SOX6: variants seen among roughly 807,000 people sequenced by gnomAD.
SOX6 encodes transcription factor SOX-6.
Under a neutral mutation model 97.8 loss-of-function variants are expected in SOX6, and 11 were observed. The observed-to-expected ratio is 0.11, with a 90% CI of 0.07 to 0.19. The LOEUF is 0.19. Among genes scored for constraint, SOX6 ranks in the 10% least tolerant of loss-of-function variants. SOX6 has a pLI of 1.00. For missense variants in SOX6, 810 were observed against 1,039.5 expected (o/e 0.78, Z 3.04); for synonymous variants, 360 against 371.4 (o/e 0.97, Z 0.35).
At chr11:16,562,218 A>G (rs999712514) in intron 4 of SOX6, among the ~76,000 whole-genome samples, 2 of 152,118 alleles carry the variant, frequency 1.3e-5, no homozygotes, top group Admixed American at 6.5e-5. Context: ...ACAACTAAAA[A>G]CCCTGGACAC....
intron 6 of SOX6, among the ~76,000 whole-genome samples, chr11:16,118,672 C>T (rs1849413249): frequency 1.3e-5 from 2 of 152,212 alleles, no homozygotes; most frequent in Admixed American, 1.3e-4. Flanking sequence ...AGTCAGAGAG[C>T]AACTTGGCAG....
intron 4 of SOX6, among the ~76,000 whole-genome samples, chr11:16,503,158 GC>G (rs1248434971): frequency 6.6e-6 from 1 of 151,624 alleles, no homozygotes; most frequent in African/African-American, 2.4e-5. Context: ...TTCTAGATAA[GC>G]AAAAACTGAG....
At chr11:16,550,751 A>G (rs1847674729) in intron 4 of SOX6, among the ~76,000 whole-genome samples, 1 of 152,208 alleles carries the variant, frequency 6.6e-6, no homozygotes, top group African/African-American at 2.4e-5. Flanking sequence ...TTCTTACTCT[A>G]TACATTAAGT....
chr11:16,076,203 A>G (rs1420530017), intron 9 of SOX6, among the ~76,000 whole-genome samples: 1 of 152,216 alleles, frequency 6.6e-6, no homozygotes, highest in Non-Finnish European at 1.5e-5. Flanking sequence ...AGTTCCTGGC[A>G]AAGATTTAAT....
intron 3 of SOX6, among the ~76,000 whole-genome samples, chr11:16,235,396 C>T (rs1403381837): frequency 6.6e-6 from 1 of 152,024 alleles, no homozygotes; most frequent in Non-Finnish European, 1.5e-5. Context: ...GAAATCCAAA[C>T]TTTAGAATGT....
intron 6 of SOX6, among the ~76,000 whole-genome samples, chr11:16,166,811 G>GA (rs1436751011): frequency 1.3e-5 from 2 of 152,072 alleles, no homozygotes; most frequent in Non-Finnish European, 2.9e-5. Flanking sequence ...ATTCCAAGTA[G>GA]AAAAAACATT....
chr11:16,590,040 T>C (rs936747357), intron 4 of SOX6, among the ~76,000 whole-genome samples: 5 of 152,170 alleles, frequency 3.3e-5, no homozygotes, highest in Non-Finnish European at 7.4e-5. Flanking sequence ...CGTAAATACA[T>C]TCCCTTAACT....
At chr11:16,541,084 A>T (rs1235486804) in intron 4 of SOX6, among the ~76,000 whole-genome samples, 2 of 152,228 alleles carry the variant, frequency 1.3e-5, no homozygotes, top group African/African-American at 4.8e-5. Context: ...CTACAAGGCT[A>T]CAGTAACCAA....
chr11:16,496,386 C>T (rs543683056), intron 4 of SOX6, among the ~76,000 whole-genome samples: 5 of 151,396 alleles, frequency 3.3e-5, no homozygotes, highest in South Asian at 2.1e-4. Flanking sequence ...CAGCTCCCAG[C>T]GTGAGAAACG....
chr11:16,686,644 T>C (rs1006528525), intron 3 of SOX6, among the ~76,000 whole-genome samples: 1 of 152,166 alleles, frequency 6.6e-6, no homozygotes, highest in Admixed American at 6.5e-5. Context: ...CTCTAAGAAG[T>C]TATAAACTTT....
intron 9 of SOX6, among the ~76,000 whole-genome samples, chr11:16,093,182 T>C (rs577027673): frequency 6.6e-6 from 1 of 152,090 alleles, no homozygotes; most frequent in South Asian, 2.1e-4. Flanking sequence ...CAGGGTTTAA[T>C]AAATTATCAA....
At chr11:16,515,087 G>T (rs1479171895) in intron 4 of SOX6, among the ~76,000 whole-genome samples, 1 of 149,876 alleles carries the variant, frequency 6.7e-6, no homozygotes, top group East Asian at 2.0e-4. Context: ...GGGTCAAATG[G>T]TATTTCTAGT....
intron 4 of SOX6, among the ~76,000 whole-genome samples, chr11:16,535,537 T>C (rs1444031056): frequency 7.9e-5 from 12 of 152,180 alleles, no homozygotes; most frequent in African/African-American, 2.6e-4. Flanking sequence ...CTGGGAACTG[T>C]GGCCCATGCC....
intron 4 of SOX6, among the ~76,000 whole-genome samples, chr11:16,563,325 G>T (rs1589986836): frequency 6.6e-6 from 1 of 152,232 alleles, no homozygotes; most frequent in Non-Finnish European, 1.5e-5. Context: ...CATGCGTTTA[G>T]TTCTAGCTAC....
chr11:16,555,940 G>T (rs1023846302), intron 4 of SOX6, among the ~76,000 whole-genome samples: 2 of 151,234 alleles, frequency 1.3e-5, no homozygotes, highest in Non-Finnish European at 3.0e-5. Context: ...CATCTTGATT[G>T]GAAAAACTGA....
At chr11:16,473,857 AT>A (rs1421810298) in intron 1 of SOX6, among the ~76,000 whole-genome samples, 2 of 152,108 alleles carry the variant, frequency 1.3e-5, no homozygotes, top group Non-Finnish European at 2.9e-5. Flanking sequence ...TTTACAAAAT[AT>A]TTTTCTGTTA....
intron 1 of SOX6, among the ~76,000 whole-genome samples, chr11:16,402,315 C>T (rs527861512): frequency 1.3e-5 from 2 of 151,554 alleles, no homozygotes; most frequent in Admixed American, 6.6e-5. Flanking sequence ...TGATAAAATC[C>T]CGTAGAGTGG....
chr11:16,388,541 T>C (rs1211079963), intron 1 of SOX6, among the ~76,000 whole-genome samples: 6 of 152,114 alleles, frequency 3.9e-5, no homozygotes, highest in Non-Finnish European at 7.4e-5. Flanking sequence ...GTTTCCTTTA[T>C]AGAAATTTTT....
rs116497082 is a variant in SOX6 at position 16,660,344 on chromosome 11, T to C, written n.430-48084A>G. On this transcript the variant is annotated intron_variant and non_coding_transcript_variant, in intron 3 of 5. Transcript: ENST00000524520. ...TATTTTTAATTTCTCTTGAGACTGA[T>C]TCTTTGACCCATGTGTTATTTATAA... Among the ~76,000 whole-genome samples the C allele has an allele frequency of 4.8e-3, 731 of 152,348 alleles. 6 individuals are homozygous for C. The highest frequency in any genetic ancestry group is 0.017 in the African/African-American group (692 of 41,600).
Sources: allele counts gnomAD v4.1 joint callset (sites outside exome capture counted in the v4.1 genomes callset), GRCh38; gene constraint gnomAD v4.1.1; transcripts MANE v1.5; gene names NCBI Gene and HGNC (gene_info 2026-07-23, HGNC 2026-07-21).